The following COL5A2 variants were observed in gnomAD, a reference collection of about 807,000 sequenced individuals.
COL5A2 encodes collagen type V alpha 2 chain.
Under a neutral mutation model 208.2 loss-of-function variants are expected in COL5A2, and 23 were observed. The observed-to-expected ratio is 0.11, with a 90% confidence interval of 0.08 to 0.16. COL5A2 has a LOEUF of 0.16. Ranked by LOEUF, COL5A2 falls within the 10% of genes least tolerant of loss-of-function variation. The pLI, the probability that COL5A2 is intolerant of heterozygous loss-of-function variation, is 1.00. For synonymous variants in COL5A2, 625 were observed against 628.5 expected, an observed-to-expected ratio of 0.99 and a Z score of 0.08; for missense variants, 1,590 against 1,956.4, an observed-to-expected ratio of 0.81 and a Z score of 3.53.
chr2:189,113,322 C>T (rs72908342), intron 1 of COL5A2, among the ~76,000 whole-genome samples: 21,086 of 151,880 alleles, frequency 0.14, 1,468 homozygotes, highest in Middle Eastern at 0.2. Flanking sequence ...CCAGCTACTC[C>T]GAAGGTGAGG....
intron 33 of COL5A2, among the ~76,000 whole-genome samples, chr2:189,057,919 G>T (rs1416986799): frequency 1.3e-5 from 2 of 152,092 alleles, no homozygotes; most frequent in Admixed American, 6.5e-5. Context: ...TACTTCAATT[G>T]TTTATACTGA....
At chr2:189,364,602 G>A in the COL5A2 span, among the ~76,000 whole-genome samples, 3 of 151,940 alleles carry the variant, frequency 2.0e-5, no homozygotes, top group East Asian at 1.9e-4. Flanking sequence ...CAGGAGAATC[G>A]CAAGAATCCA....
chr2:189,070,450 T>G (rs934002831), intron 18 of COL5A2, among the ~76,000 whole-genome samples: 1 of 152,112 alleles, frequency 6.6e-6, no homozygotes, highest in African/African-American at 2.4e-5. Flanking sequence ...GATCCAGGAA[T>G]TTTATGGTGG....
At chr2:189,388,985 C>T in the COL5A2 span, among the ~76,000 whole-genome samples, 3 of 152,124 alleles carry the variant, frequency 2.0e-5, no homozygotes, top group Non-Finnish European at 4.4e-5. Flanking sequence ...CGCAAGCAAG[C>T]TATATTGAAT....
At chr2:189,039,585 A>C in intron 50 of COL5A2, 22 bp from the exon 51 acceptor site, 1 of 1,610,492 alleles carries the variant, frequency 6.2e-7, no homozygotes, top group Non-Finnish European at 8.5e-7. Flanking sequence ...GAGATTGGAA[A>C]GACATTTAAC....
In COL5A2 at chr2:189,043,236, T is replaced by A. The variant is rs777573682; in HGVS notation, c.3386A>T (p.Asp1129Val). ...ACCTCGGTCTCCATGATCACCTTTG[T>A]CACCACGAGGTCCTTGGGGTCCCTA... ...GLPGPQGPRG[D>V]KGDHGDRGDR... Residue 1129 changes from aspartate to valine, a missense_variant, in exon 48 of 54, where the codon GAC becomes GTC. Asp to Val is a radical substitution (Grantham distance 152). Transcript: ENST00000374866. The A allele has an allele frequency of 6.2e-7, 1 of 1,613,762 alleles. No homozygotes were observed. The highest frequency in any genetic ancestry group is 8.5e-7 in the Non-Finnish European group (1 of 1,179,728).
chr2:189,172,613 C>T (rs1039093086), intron 1 of COL5A2, among the ~76,000 whole-genome samples: 5 of 152,066 alleles, frequency 3.3e-5, no homozygotes, highest in African/African-American at 7.2e-5. Context: ...CTAAATAGAA[C>T]GAGGACCAGA....
the COL5A2 span, among the ~76,000 whole-genome samples, chr2:189,284,883 G>A: frequency 6.6e-6 from 1 of 152,030 alleles, no homozygotes; most frequent in South Asian, 2.1e-4. Flanking sequence ...TACTGTTCAT[G>A]CCTTGTTATG....
At chr2:189,240,552 T>A in the COL5A2 span, among the ~76,000 whole-genome samples, 23 of 152,194 alleles carry the variant, frequency 1.5e-4, no homozygotes, top group African/African-American at 4.1e-4. Flanking sequence ...AAGTATTGGA[T>A]AACTTAAAAT....
At chr2:189,374,426 A>C in the COL5A2 span, among the ~76,000 whole-genome samples, 1 of 152,102 alleles carries the variant, frequency 6.6e-6, no homozygotes, top group African/African-American at 2.4e-5. Flanking sequence ...CCACGGCCTC[A>C]AAATAATTTT....
At chr2:189,146,657 A>G (rs1057277580) in intron 1 of COL5A2, among the ~76,000 whole-genome samples, 39 of 152,196 alleles carry the variant, frequency 2.6e-4, no homozygotes, top group African/African-American at 9.4e-4. Flanking sequence ...TTAAAAAAGA[A>G]GTAAAAAGAA....
At chr2:189,039,842 C>T (rs537288032) in intron 50 of COL5A2, among the ~76,000 whole-genome samples, 1 of 152,008 alleles carries the variant, frequency 6.6e-6, no homozygotes, top group Admixed American at 6.6e-5. Flanking sequence ...AGGTGTTTAC[C>T]TTGAAGATAC....
rs964060790 is a variant in COL5A2 at position 189,031,936 on chromosome 2, C to T, written c.*2134G>A. 6.6e-6 allele frequency: 1 copy of T among 151,986 alleles called. No individual in the cohort carries two copies. The highest frequency in any genetic ancestry group is 6.6e-5 in the Admixed American group (1 of 15,238). 9.4% of individuals were successfully genotyped at this position (151,986 alleles called of 1,614,324 possible). ...CTTTTATTGGTAGCATTCCCAAAAT[C>T]CAAATAAGAACTGTTATTTCTATAG... On this transcript the variant is annotated 3_prime_UTR_variant, in exon 54 of 54. Coordinates refer to ENST00000374866, the MANE Select transcript of COL5A2 (RefSeq NM_000393.5).
the COL5A2 span, among the ~76,000 whole-genome samples, chr2:189,412,970 T>C: frequency 2.0e-5 from 3 of 152,188 alleles, no homozygotes; most frequent in Admixed American, 6.5e-5. Context: ...ATGGAAAAGT[T>C]GTATGGCTGT....
the COL5A2 span, among the ~76,000 whole-genome samples, chr2:189,289,827 A>C: frequency 6.6e-6 from 1 of 152,186 alleles, no homozygotes; most frequent in African/African-American, 2.4e-5. Flanking sequence ...CTTAGAAATA[A>C]ACTTAACCAA....
chr2:189,369,970 A>C, the COL5A2 span, among the ~76,000 whole-genome samples: 1 of 152,216 alleles, frequency 6.6e-6, no homozygotes, highest in African/African-American at 2.4e-5. Context: ...TGGGCAGGTA[A>C]TAATAACAAA....
the COL5A2 span, among the ~76,000 whole-genome samples, chr2:189,391,434 T>A: frequency 7.9e-5 from 12 of 152,250 alleles, no homozygotes; most frequent in East Asian, 2.1e-3. Context: ...TCTCATTAAA[T>A]AAAATGTTGA....
chr2:189,280,538 T>C, the COL5A2 span, among the ~76,000 whole-genome samples: 6 of 152,142 alleles, frequency 3.9e-5, no homozygotes, highest in African/African-American at 1.2e-4. Flanking sequence ...TCTTTAGTGA[T>C]AAATCATAAA....
chr2:189,331,667 T>C, the COL5A2 span, among the ~76,000 whole-genome samples: 4 of 152,292 alleles, frequency 2.6e-5, no homozygotes, highest in South Asian at 2.1e-4. Context: ...TATAAGTCCA[T>C]TAAGCTCTTT....
Sources: gnomAD v4.1 joint callset for allele counts (sites outside exome capture counted in the v4.1 genomes callset) on GRCh38, gnomAD v4.1.1 for gene constraint, MANE v1.5 for transcripts, NCBI Gene and HGNC (gene_info 2026-07-23, HGNC 2026-07-21) for gene names.